The following PIP4K2B variants were observed in gnomAD, a reference collection of about 807,000 sequenced individuals.
PIP4K2B encodes phosphatidylinositol 5-phosphate 4-kinase type-2 beta.
Under a neutral mutation model 42.0 loss-of-function variants are expected in PIP4K2B, and 3 were observed. The observed-to-expected ratio is 0.07, with a 90% CI of 0.03 to 0.18. The LOEUF is 0.18. Ranked by LOEUF, PIP4K2B falls within the 10% of genes least tolerant of loss-of-function variation. PIP4K2B has a pLI of 1.00. For synonymous variants in PIP4K2B, 204 were observed against 210.1 expected, an observed-to-expected ratio of 0.97 and a Z score of 0.25; for missense variants, 332 against 562.3, an observed-to-expected ratio of 0.59 and a Z score of 4.14.
At chr17:38,796,735 A>T (rs762550195) in intron 1 of PIP4K2B, among the ~76,000 whole-genome samples, 24 of 152,218 alleles carry the variant, frequency 1.6e-4, no homozygotes, top group Non-Finnish European at 3.1e-4. Context: ...ATAAAGACAT[A>T]TCCATCCTTC....
Position 38,766,271 on chromosome 17 carries a change from C to A in PIP4K2B, c.*3420G>T, listed in dbSNP as rs374350539. 6.6e-6 allele frequency: 1 copy of A among 152,462 alleles called. No individual in the cohort carries two copies. Among genetic ancestry groups the A allele is most frequent in the African/African-American group, 2.4e-5 (1 of 41,440 alleles). The allele number at this position is 152,462 out of a possible 1,614,324, so 9.4% of individuals were successfully genotyped here. A position where few individuals can be genotyped will look rare whatever the true frequency, so the allele number is the denominator to read the frequency against. On this transcript the variant is annotated 3_prime_UTR_variant, in exon 10 of 10. Coordinates refer to ENST00000619039, the MANE Select transcript of PIP4K2B (RefSeq NM_003559.5). ...ATGACTGCCAGGAAGAGATGAGGCT[C>A]CTAGACTTGGGGGGCCACAGGTTTA...
intron 9 of PIP4K2B, 58 bp downstream of exon 9, chr17:38,770,378 G>A (rs1215337065): frequency 1.4e-5 from 14 of 1,007,372 alleles, no homozygotes; most frequent in East Asian, 2.4e-5. Flanking sequence ...TGGGGTCTGA[G>A]GGTAAGCACA....
intron 7 of PIP4K2B, among the ~76,000 whole-genome samples, chr17:38,774,437 C>T (rs1323691323): frequency 6.6e-6 from 1 of 152,136 alleles, no homozygotes; most frequent in Non-Finnish European, 1.5e-5. Flanking sequence ...CTGCAGATCT[C>T]GTTGGTATCC....
chr17:38,770,320 G>A lies in PIP4K2B; in HGVS notation c.1170+116C>T, dbSNP rs1908941017. ...TCCAGTCTGCTCTCCTGGGAAGAAG[G>A]AGACAGGAGTGTGTTCCTTGGAGCA... On this transcript the variant is annotated intron_variant, in intron 9 of 9. Transcript: ENST00000619039. The A allele has an allele frequency of 1.0e-5, 7 of 691,812 alleles. No individual in the cohort carries two copies. In the Admixed American group the frequency reaches 1.6e-4, roughly 15 times the overall value. The allele number at this position is 691,812 out of a possible 1,614,324, so 42.9% of individuals were successfully genotyped here.
Position 38,768,224 on chromosome 17 carries a change from T to G in PIP4K2B, c.*1467A>C, listed in dbSNP as rs1008933322. On this transcript the variant is annotated 3_prime_UTR_variant, in exon 10 of 10. Transcript: ENST00000619039. ...TTGAGGGGGTGAGAAGATGCAGGAA[T>G]GTACCTCCCCCAATGCAGAACAACA... 1.3e-5 allele frequency: 2 copies of G among 152,288 alleles called. No homozygotes were observed. Among genetic ancestry groups the G allele is most frequent in the Admixed American group, 1.3e-4 (2 of 15,284 alleles). 9.4% of individuals were successfully genotyped at this position (152,288 alleles called of 1,614,324 possible).
intron 1 of PIP4K2B, among the ~76,000 whole-genome samples, chr17:38,787,193 G>A (rs148232125): frequency 6.7e-4 from 102 of 152,148 alleles, no homozygotes; most frequent in African/African-American, 2.1e-3. Flanking sequence ...ACATCACCAC[G>A]CCCAGCTAAT....
At chr17:38,772,873 A>G (rs1441807278) in intron 7 of PIP4K2B, among the ~76,000 whole-genome samples, 1 of 152,090 alleles carries the variant, frequency 6.6e-6, no homozygotes. Flanking sequence ...GAGCCACTGC[A>G]CCTGGCCAGC....
chr17:38,798,666 C>G (rs550425604), intron 1 of PIP4K2B, among the ~76,000 whole-genome samples: 1 of 152,278 alleles, frequency 6.6e-6, no homozygotes, highest in East Asian at 1.9e-4. Flanking sequence ...CCCAGAGAGA[C>G]CCAGGTGAAG....
rs968104676 is a variant in PIP4K2B, at chr17:38,769,709, C to T, written c.1233G>A (p.Met411Ile). 6.3e-7 allele frequency: 1 copy of T among 1,594,294 alleles called. No individual in the cohort carries two copies. The highest frequency in any genetic ancestry group is 1.3e-5 in the African/African-American group (1 of 74,614). ...EQYSKRFNEF[M>I]SNILT ...AAGAGAACTACGTCAGGATGTTGGA[C>T]ATAAACTCGTTGAAGCGTTTGGAGT... Residue 411 changes from methionine (M) to isoleucine (I), a missense_variant, in exon 10 of 10, where the codon ATG becomes ATA. Transcript: ENST00000619039.
rs1333391264 is a variant in PIP4K2B at position 38,792,309 on chromosome 17, G to C, written c.160-5389C>G. 5.9e-5 allele frequency among the ~76,000 whole-genome samples: 9 copies of C among 152,140 alleles called. No homozygotes were observed. The East Asian group carries it at 1.7e-3, about 30-fold the overall frequency. Reference sequence around the variant, plus strand: ...GACTACAGGTGTGCCATCATGCCCAGCTAATTTTATTTCTAGTAGAGACAA... The same window carrying C: ...GACTACAGGTGTGCCATCATGCCCACCTAATTTTATTTCTAGTAGAGACAA... On this transcript the variant is annotated intron_variant, in intron 1 of 9. Coordinates refer to ENST00000619039, the MANE Select transcript of PIP4K2B (RefSeq NM_003559.5).
intron 1 of PIP4K2B, among the ~76,000 whole-genome samples, chr17:38,791,452 G>A: frequency 8.8e-6 from 1 of 113,258 alleles, no homozygotes; most frequent in East Asian, 2.7e-4. Flanking sequence ...GCTTTGCTCT[G>A]GTTTCCCAGG....
At chr17:38,773,058 G>A (rs1909133211) in intron 7 of PIP4K2B, among the ~76,000 whole-genome samples, 1 of 152,274 alleles carries the variant, frequency 6.6e-6, no homozygotes, top group Middle Eastern at 3.4e-3. Flanking sequence ...GCGTCCACTG[G>A]GGATCTTGGA....
rs1241421591 is a variant in PIP4K2B at position 38,799,070 on chromosome 17, G to C, written c.159+196C>G. Among the ~76,000 whole-genome samples the C allele has an allele frequency of 6.6e-6, 1 of 152,194 alleles. No homozygotes were observed. The highest frequency in any genetic ancestry group is 1.5e-5 in the Non-Finnish European group (1 of 68,032). On this transcript the variant is annotated intron_variant, in intron 1 of 9. Coordinates refer to ENST00000619039, the MANE Select transcript of PIP4K2B (RefSeq NM_003559.5). This position sits in a 1 kb window ranked among gnomAD's most constrained non-coding sequence, Gnocchi z 4.4. ...GGGGAGGTGGCGACGGCAGACCACAGAGACACCAGGCCTCGCGTGGCGTGC... is the reference window on the plus strand; with the variant it reads ...GGGGAGGTGGCGACGGCAGACCACACAGACACCAGGCCTCGCGTGGCGTGC...
At chr17:38,775,280 T>C (rs879874012) in intron 7 of PIP4K2B, among the ~76,000 whole-genome samples, 1 of 151,828 alleles carries the variant, frequency 6.6e-6, no homozygotes, top group Non-Finnish European at 1.5e-5. Context: ...AGAGATGGGG[T>C]CTTACCCTCT....
intron 2 of PIP4K2B, 150 bp from the exon 3 acceptor site, chr17:38,784,489 G>T: frequency 1.8e-6 from 1 of 555,250 alleles, no homozygotes. Context: ...TCCCACCTCA[G>T]CCTCCCAAAG....
At chr17:38,777,822 G>C (rs1909449182) in intron 6 of PIP4K2B, 22 bp from the exon 7 acceptor site, 5 of 1,547,836 alleles carry the variant, frequency 3.2e-6, no homozygotes, top group Non-Finnish European at 4.5e-6. Flanking sequence ...ACAGCAGTTA[G>C]GCTGGGTAAG....
intron 1 of PIP4K2B, among the ~76,000 whole-genome samples, chr17:38,790,679 G>A (rs952990856): frequency 3.3e-5 from 5 of 152,078 alleles, no homozygotes; most frequent in Admixed American, 1.3e-4. Flanking sequence ...GGCTGGTCTC[G>A]AATTCCTGAC....
intron 1 of PIP4K2B, among the ~76,000 whole-genome samples, chr17:38,795,235 G>T (rs1910592399): frequency 6.6e-6 from 1 of 150,960 alleles, no homozygotes; most frequent in African/African-American, 2.4e-5. Context: ...TCAATAATAA[G>T]AAGATAACCC....
chr17:38,775,944 T>TA (rs1909314791), intron 7 of PIP4K2B: 1 of 440,050 alleles, frequency 2.3e-6, no homozygotes, highest in African/African-American at 2.1e-5. Context: ...CTAAGCAAAA[T>TA]AACAGAGTCA....
Sources: gnomAD v4.1 joint callset for allele counts (sites outside exome capture counted in the v4.1 genomes callset) on GRCh38, gnomAD v4.1.1 for gene constraint, Gnocchi (gnomAD v3.1) non-coding constraint, MANE v1.5 for transcripts, NCBI Gene and HGNC (gene_info 2026-07-23, HGNC 2026-07-21) for gene names.